AUTS2: variants seen among roughly 807,000 people sequenced by gnomAD.
AUTS2 encodes autism susceptibility gene 2 protein.
In AUTS2, 17 loss-of-function variants were observed where a neutral mutation model predicts 112.4. The observed-to-expected ratio is 0.15, with a 90% confidence interval of 0.10 to 0.23. The LOEUF is 0.23. Ranked by LOEUF, AUTS2 falls within the 10% of genes least tolerant of loss-of-function variation. The pLI is 1.00. For missense variants in AUTS2, 1,510 were observed against 1,701.6 expected, an observed-to-expected ratio of 0.89 and a Z score of 1.98; for synonymous variants, 751 against 702.7, an observed-to-expected ratio of 1.07 and a Z score of -1.09.
intron 1 of AUTS2, among the ~76,000 whole-genome samples, chr7:69,737,932 A>C (rs1401373732): frequency 2.0e-5 from 3 of 152,218 alleles, no homozygotes; most frequent in Admixed American, 6.5e-5. Context: ...TTGGCTGTCT[A>C]CCAGCAAATT....
chr7:70,035,805 G>A (rs1203395242), intron 2 of AUTS2, among the ~76,000 whole-genome samples: 1 of 151,986 alleles, frequency 6.6e-6, no homozygotes, highest in Admixed American at 6.5e-5. Flanking sequence ...TTTAATCTCT[G>A]ACACCTTTCT....
intron 1 of AUTS2, among the ~76,000 whole-genome samples, chr7:69,669,639 A>G (rs1796223417): frequency 6.6e-6 from 1 of 152,198 alleles, no homozygotes; most frequent in Non-Finnish European, 1.5e-5. Context: ...GATATTTCAT[A>G]AAAGGTACAT....
intron 1 of AUTS2, among the ~76,000 whole-genome samples, chr7:69,784,779 A>C (rs1789291676): frequency 6.6e-6 from 1 of 152,234 alleles, no homozygotes; most frequent in South Asian, 2.1e-4. Context: ...AAGAGGAGGC[A>C]TGTGGCTTGT....
intron 4 of AUTS2, among the ~76,000 whole-genome samples, chr7:70,280,462 T>C (rs1447815413): frequency 6.7e-6 from 1 of 150,136 alleles, no homozygotes; most frequent in African/African-American, 2.4e-5. Context: ...TTTTTTTTTT[T>C]TTTTTTTGTA....
At chr7:69,799,563 C>T (rs949788970) in intron 1 of AUTS2, among the ~76,000 whole-genome samples, 5 of 152,176 alleles carry the variant, frequency 3.3e-5, no homozygotes, top group African/African-American at 4.8e-5. Flanking sequence ...TCAGAAATTG[C>T]TCAGCTGTTA....
At chr7:69,706,282 T>C (rs1798056766) in intron 1 of AUTS2, among the ~76,000 whole-genome samples, 1 of 152,238 alleles carries the variant, frequency 6.6e-6, no homozygotes, top group Non-Finnish European at 1.5e-5. Context: ...AGTATTGTCC[T>C]GGAACATTCT....
intron 3 of AUTS2, among the ~76,000 whole-genome samples, chr7:70,124,446 A>G (rs1231618703): frequency 2.0e-5 from 3 of 152,150 alleles, no homozygotes; most frequent in Non-Finnish European, 1.5e-5. Context: ...TATGTGCAGC[A>G]TAGTACTGCC....
At chr7:70,344,533 T>A (rs1420332033) in intron 4 of AUTS2, among the ~76,000 whole-genome samples, 1 of 152,202 alleles carries the variant, frequency 6.6e-6, no homozygotes, top group African/African-American at 2.4e-5. Context: ...TGTCCAACTC[T>A]AGATAGATCT....
chr7:70,368,564 T>C (rs1792690768), intron 4 of AUTS2, among the ~76,000 whole-genome samples: 1 of 152,242 alleles, frequency 6.6e-6, no homozygotes, highest in Non-Finnish European at 1.5e-5. Context: ...CTATTCATAC[T>C]GTATGGCCAA....
At chr7:70,129,752 C>G (rs938488886) in intron 3 of AUTS2, among the ~76,000 whole-genome samples, 3 of 152,164 alleles carry the variant, frequency 2.0e-5, no homozygotes, top group African/African-American at 7.2e-5. Context: ...GACAACCTGA[C>G]GTGGGCATAA....
intron 2 of AUTS2, among the ~76,000 whole-genome samples, chr7:69,990,796 A>G (rs1798713048): frequency 6.6e-6 from 1 of 152,178 alleles, no homozygotes; most frequent in African/African-American, 2.4e-5. Context: ...GAATATCTGC[A>G]TTATACTTAT....
In AUTS2 at chr7:70,791,090, T is replaced by TG. The variant is rs368717701; in HGVS notation, c.*101dup. On this transcript the variant is annotated 3_prime_UTR_variant, in exon 19 of 19. Coordinates refer to ENST00000342771, the MANE Select transcript of AUTS2 (RefSeq NM_015570.4). ...GAACTCCTGCATGGCTCACACAGAC[T>TG]GGGGGGGAAAGCCCCACCCCTTCCC... 42 of 1,288,640 alleles carry TG rather than the reference T, an allele frequency of 3.3e-5. No individual in the cohort carries two copies. Among genetic ancestry groups the TG allele is most frequent in the Middle Eastern group, 2.2e-4 (1 of 4,486 alleles). The allele number at this position is 1,288,640 out of a possible 1,614,324, so 79.8% of individuals were successfully genotyped here.
Position 69,683,748 on chromosome 7 carries a change from C to A in AUTS2, c.309+83786C>A, listed in dbSNP as rs961894440. 7.3e-5 allele frequency among the ~76,000 whole-genome samples: 11 copies of A among 151,280 alleles called. 1 individual carries two copies. Among genetic ancestry groups the A allele is most frequent in the African/African-American group, 1.7e-4 (7 of 41,240 alleles). ...AACCCTGTCTCTACTAAAAAAAAAA[C>A]CAAAAAACAAAAATTGGTCTGGCAT... On this transcript the variant is annotated intron_variant, in intron 1 of 18. Coordinates refer to ENST00000342771, the MANE Select transcript of AUTS2 (RefSeq NM_015570.4).
intron 4 of AUTS2, among the ~76,000 whole-genome samples, chr7:70,345,585 T>C (rs754270992): frequency 2.6e-5 from 4 of 152,190 alleles, no homozygotes; most frequent in Non-Finnish European, 2.9e-5. Flanking sequence ...TGAGCCATTG[T>C]CCTTTCCAAA....
chr7:70,663,497 G>A (rs765423005), intron 5 of AUTS2, among the ~76,000 whole-genome samples: 3 of 152,094 alleles, frequency 2.0e-5, no homozygotes, highest in East Asian at 1.9e-4. Flanking sequence ...TCGTCCATCC[G>A]ACAGTCTTAT....
intron 4 of AUTS2, among the ~76,000 whole-genome samples, chr7:70,306,230 G>A (rs1446437240): frequency 4.6e-5 from 7 of 152,310 alleles, no homozygotes; most frequent in African/African-American, 1.7e-4. Flanking sequence ...GGAGCTGCCC[G>A]GGTCTGATTG....
intron 2 of AUTS2, among the ~76,000 whole-genome samples, chr7:69,976,517 T>C: frequency 6.6e-6 from 1 of 152,208 alleles, no homozygotes; most frequent in East Asian, 1.9e-4. Flanking sequence ...CATATGGTAG[T>C]TCTGTGTTAA....
At chr7:70,107,334 G>C (rs1387355786) in intron 2 of AUTS2, among the ~76,000 whole-genome samples, 1 of 124,396 alleles carries the variant, frequency 8.0e-6, no homozygotes, top group Non-Finnish European at 1.7e-5. Flanking sequence ...CAGATGAGAA[G>C]CTTTTTTTTT....
chr7:70,118,270 A>T (rs756484945), intron 3 of AUTS2, 37 bp downstream of exon 3: 9 of 1,489,354 alleles, frequency 6.0e-6, no homozygotes, highest in Non-Finnish European at 7.2e-6. Flanking sequence ...AAAAAAAATT[A>T]ACGAAAACCA....
Sources: allele counts gnomAD v4.1 joint callset (sites outside exome capture counted in the v4.1 genomes callset), GRCh38; gene constraint gnomAD v4.1.1; transcripts MANE v1.5; gene names NCBI Gene and HGNC (gene_info 2026-07-23, HGNC 2026-07-21).